SIPA1L3: variants seen among roughly 807,000 people sequenced by gnomAD.
SIPA1L3 encodes the protein signal induced proliferation associated 1 like 3.
A neutral mutation model predicts 150.1 loss-of-function variants in SIPA1L3; 59 were observed. The observed-to-expected ratio is 0.39, with a 90% confidence interval of 0.32 to 0.49. The LOEUF is 0.49. SIPA1L3 is among the 20% of genes least tolerant of loss of function. The pLI is 0.86. For synonymous variants in SIPA1L3, 1,070 were observed against 1,077.6 expected, an observed-to-expected ratio of 0.99 and a Z score of 0.14; for missense variants, 2,211 against 2,489.5, an observed-to-expected ratio of 0.89 and a Z score of 2.38.
At chr19:38,085,061 G>T (rs1970096007) in intron 3 of SIPA1L3, among the ~76,000 whole-genome samples, 1 of 152,052 alleles carries the variant, frequency 6.6e-6, no homozygotes, top group African/African-American at 2.4e-5. Flanking sequence ...CTCGGTTTGG[G>T]GTATCTGTTC....
chr19:38,070,774 C>A (rs1354506886), intron 2 of SIPA1L3, among the ~76,000 whole-genome samples: 4 of 152,234 alleles, frequency 2.6e-5, no homozygotes, highest in African/African-American at 9.6e-5. Context: ...TGCCCAGAAA[C>A]TGCTGAGTCA....
At chr19:38,048,024 G>A (rs538780427) in intron 2 of SIPA1L3, among the ~76,000 whole-genome samples, 5 of 152,170 alleles carry the variant, frequency 3.3e-5, no homozygotes, top group African/African-American at 7.2e-5. Flanking sequence ...AGAATCGTGC[G>A]TGTGCCTCTG....
At position 38,193,726 on chromosome 19, in the gene SIPA1L3, C is replaced by T. The variant is rs543116839; in HGVS notation, c.4786C>T (p.Pro1596Ser). The T allele has an allele frequency of 1.3e-6, 2 of 1,566,060 alleles. No homozygotes were observed. Among genetic ancestry groups the T allele is most frequent in the East Asian group, 4.7e-5 (2 of 42,774 alleles). Reference sequence around the variant, plus strand: ...CCGCCAGCACCAGCACCCCCACCCGCCCGTCGGCCCCGGTGCCACCCCTGC... The same window carrying T: ...CCGCCAGCACCAGCACCCCCACCCGTCCGTCGGCCCCGGTGCCACCCCTGC... ...ARRQHQHPHP[P>S]VGPGATPAAG... The change falls in exon 18 of 22, where the codon CCC becomes TCC. Residue 1596 changes from proline to serine, a missense_variant. This residue lies in a region of SIPA1L3 where 806 missense variants were observed against 870.1 expected (regional missense o/e 0.93). Transcript: ENST00000222345.
chr19:38,015,466 G>A (rs920761512), intron 1 of SIPA1L3, among the ~76,000 whole-genome samples: 5 of 152,092 alleles, frequency 3.3e-5, no homozygotes, highest in African/African-American at 9.7e-5. Context: ...ACTCATGCCT[G>A]TAATTCCAGC....
intron 9 of SIPA1L3, among the ~76,000 whole-genome samples, chr19:38,121,074 G>A (rs998409301): frequency 1.3e-5 from 2 of 152,168 alleles, no homozygotes; most frequent in African/African-American, 2.4e-5. Flanking sequence ...GGGTGCAGTG[G>A]CTCATGCCTA....
At chr19:37,956,874 C>G (rs1327381835) in intron 1 of SIPA1L3, among the ~76,000 whole-genome samples, 1 of 152,112 alleles carries the variant, frequency 6.6e-6, no homozygotes, top group Non-Finnish European at 1.5e-5. Flanking sequence ...AACTCTTTGA[C>G]CCAGTATCAT....
intron 12 of SIPA1L3, among the ~76,000 whole-genome samples, chr19:38,150,586 G>T (rs979406487): frequency 1.4e-5 from 2 of 147,068 alleles, no homozygotes; most frequent in South Asian, 2.1e-4. Flanking sequence ...AGGCTGGAGC[G>T]CAGTGGCACA....
intron 9 of SIPA1L3, among the ~76,000 whole-genome samples, chr19:38,124,848 G>A (rs1600104362): frequency 2.6e-5 from 4 of 152,258 alleles, no homozygotes; most frequent in African/African-American, 4.8e-5. Flanking sequence ...AAAAAAATAC[G>A]AAAACCAGTC....
chr19:38,072,592 C>G (rs1484475084), intron 2 of SIPA1L3, among the ~76,000 whole-genome samples: 1 of 152,358 alleles, frequency 6.6e-6, no homozygotes, highest in African/African-American at 2.4e-5. Flanking sequence ...AAGGGAAAAG[C>G]GCAGCCTTCA....
At chr19:38,014,933 T>G (rs544569312) in intron 1 of SIPA1L3, among the ~76,000 whole-genome samples, 1 of 152,258 alleles carries the variant, frequency 6.6e-6, no homozygotes, top group East Asian at 1.9e-4. Flanking sequence ...CCTCCCAAAG[T>G]GCTGGGATTA....
At chr19:38,142,741 G>T in intron 12 of SIPA1L3, 31 bp downstream of exon 12, 1 of 1,596,968 alleles carries the variant, frequency 6.3e-7, no homozygotes, top group Non-Finnish European at 8.6e-7. Context: ...TTCATGTTAA[G>T]GGATCTGATG....
intron 2 of SIPA1L3, among the ~76,000 whole-genome samples, chr19:38,048,942 G>A (rs752124153): frequency 7.2e-5 from 11 of 152,106 alleles, no homozygotes; most frequent in Non-Finnish European, 1.2e-4. Context: ...AATTAGCTGG[G>A]TGTGGTAGTG....
chr19:38,073,165 G>A (rs1410790933), intron 2 of SIPA1L3, among the ~76,000 whole-genome samples: 1 of 152,178 alleles, frequency 6.6e-6, no homozygotes, highest in Non-Finnish European at 1.5e-5. Flanking sequence ...GGGTCAGACC[G>A]GTGCCCTCAC....
intron 1 of SIPA1L3, among the ~76,000 whole-genome samples, chr19:37,941,653 T>A: frequency 6.6e-6 from 1 of 152,160 alleles, no homozygotes; most frequent in South Asian, 2.1e-4. Flanking sequence ...TGCGGGTGTT[T>A]GTCGAAGTAA....
chr19:38,141,232 G>T lies in SIPA1L3; in HGVS notation c.3192G>T (p.Glu1064Asp). 4.3e-6 allele frequency: 7 copies of T among 1,613,354 alleles called. No individual in the cohort carries two copies. Among genetic ancestry groups the T allele is most frequent in the Non-Finnish European group, 4.2e-6 (5 of 1,179,634 alleles). Residue 1064 changes from glutamate (E) to aspartate (D), a missense_variant, in exon 11 of 22, where the codon GAG (glutamate) becomes GAT (aspartate). By Grantham distance (45) the Glu-to-Asp change is conservative. Around this residue, in one of 5 missense-constraint regions of SIPA1L3, gnomAD observed 625 missense variants for 804.2 expected, o/e 0.78. Coordinates refer to ENST00000222345, the MANE Select transcript of SIPA1L3 (RefSeq NM_015073.3). ...YDMNTSEPKT[E>D]QESITPGGRP... ...TGAATACCTCGGAGCCCAAGACGGA[G>T]CAGGAAAGCATCACTCCTGGGGGCC... is the stretch of plus-strand genomic sequence containing the variant.
At chr19:37,920,378 G>A (rs2046448604) in intron 1 of SIPA1L3, among the ~76,000 whole-genome samples, 1 of 152,116 alleles carries the variant, frequency 6.6e-6, no homozygotes, top group Non-Finnish European at 1.5e-5. Flanking sequence ...TTATCTATAA[G>A]ATGCTCATGC....
chr19:38,115,386 C>T (rs1225244935), intron 8 of SIPA1L3, among the ~76,000 whole-genome samples: 2 of 152,198 alleles, frequency 1.3e-5, no homozygotes. Flanking sequence ...GCACAGGAAC[C>T]CAGGTGACAG....
intron 1 of SIPA1L3, among the ~76,000 whole-genome samples, chr19:37,967,217 A>G (rs1199303354): frequency 2.7e-5 from 4 of 149,720 alleles, no homozygotes; most frequent in Admixed American, 6.7e-5. Flanking sequence ...TTCATGTGGC[A>G]TTCTCCCTGT....
rs550387936 is a variant in SIPA1L3, at chr19:37,933,589, A to G, written c.-379+26231A>G. Among the ~76,000 whole-genome samples, 4 of 152,314 alleles carry G rather than the reference A, an allele frequency of 2.6e-5. No homozygotes were observed. In the East Asian group the frequency reaches 7.7e-4, roughly 29 times the overall value. Reference sequence around the variant, plus strand: ...TGAATGAATTTATATCAGGTGCAACATGATCCAAGGATGGGTGGCCAGCCC... The same window carrying G: ...TGAATGAATTTATATCAGGTGCAACGTGATCCAAGGATGGGTGGCCAGCCC... On this transcript the variant is annotated intron_variant, in intron 1 of 21. Coordinates refer to ENST00000222345, the MANE Select transcript of SIPA1L3 (RefSeq NM_015073.3).
Sources: gnomAD v4.1 joint callset for allele counts (sites outside exome capture counted in the v4.1 genomes callset) on GRCh38, gnomAD v4.1.1 for gene constraint, gnomAD v4.1.1 regional missense constraint, MANE v1.5 for transcripts, NCBI Gene and HGNC (gene_info 2026-07-23, HGNC 2026-07-21) for gene names.